The following IFT74 variants were observed in gnomAD, a reference collection of about 807,000 sequenced individuals.
The protein encoded by IFT74 is intraflagellar transport protein 74 homolog.
In IFT74, 92 loss-of-function variants were observed where a neutral mutation model predicts 96.7. The observed-to-expected ratio is 0.95, with a 90% CI of 0.80 to 1.13. IFT74 has a LOEUF of 1.13. Ranked by LOEUF, IFT74 falls within the 50% of genes most tolerant of loss-of-function variation. The pLI is 0.00. For synonymous variants in IFT74, 223 were observed against 213.2 expected, an observed-to-expected ratio of 1.05 and a Z score of -0.40; for missense variants, 811 against 698.2, an observed-to-expected ratio of 1.16 and a Z score of -1.82.
chr9:27,062,765 A>G lies in IFT74; in HGVS notation c.*29A>G. The G allele has an allele frequency of 8.5e-7, 1 of 1,174,950 alleles. No individual in the cohort carries two copies. Among genetic ancestry groups the G allele is most frequent in the Non-Finnish European group, 1.2e-6 (1 of 803,052 alleles). 72.8% of individuals were successfully genotyped at this position (1,174,950 alleles called of 1,614,324 possible). ...TAAGTCCACTGAAAGTCTCTAAGGA[A>G]GTATCCTCTTGCTGCTAAACTTGGT... On this transcript the variant is annotated 3_prime_UTR_variant, in exon 20 of 20. Coordinates refer to ENST00000380062, the MANE Select transcript of IFT74 (RefSeq NM_025103.4).
At position 26,949,537 on chromosome 9, in the gene IFT74, T is replaced by A. The variant is rs541618140; in HGVS notation, c.-20+2391T>A. Among the ~76,000 whole-genome samples the A allele has an allele frequency of 2.4e-4, 36 of 152,270 alleles. 1 individual carries two copies. The South Asian group carries it at 7.5e-3, about 32-fold the overall frequency. ...TCGTGCTGTAATTGCCCCTGTGTTCTTTTACACAGGGAAATGTGTAATTTC... is the reference window on the plus strand; with the variant it reads ...TCGTGCTGTAATTGCCCCTGTGTTCATTTACACAGGGAAATGTGTAATTTC... On this transcript the variant is annotated intron_variant, in intron 1 of 19. Coordinates refer to the IFT74 transcript ENST00000433700.
chr9:27,027,170 C>T (rs1340790319), intron 12 of IFT74, among the ~76,000 whole-genome samples: 1 of 151,870 alleles, frequency 6.6e-6, no homozygotes, highest in Non-Finnish European at 1.5e-5. Flanking sequence ...TACAAAAGAC[C>T]AAGCTTACAG....
chr9:27,060,083 C>CT (rs34333459), intron 18 of IFT74, among the ~76,000 whole-genome samples: 6 of 152,178 alleles, frequency 3.9e-5, no homozygotes, highest in Admixed American at 6.5e-5. Context: ...ACAGTGCCAG[C>CT]TTTTTACCAG....
intron 13 of IFT74, among the ~76,000 whole-genome samples, chr9:27,040,000 G>A (rs951749287): frequency 6.6e-6 from 1 of 152,186 alleles, no homozygotes; most frequent in Non-Finnish European, 1.5e-5. Context: ...GGAGGAGAAA[G>A]TGTTCTGGCT....
At chr9:26,975,602 GA>G (rs1167201919) in intron 2 of IFT74, among the ~76,000 whole-genome samples, 1 of 152,136 alleles carries the variant, frequency 6.6e-6, no homozygotes, top group Non-Finnish European at 1.5e-5. Context: ...TGTCTTACGT[GA>G]AACATTTCCC....
upstream of IFT74, among the ~76,000 whole-genome samples, chr9:26,952,884 A>G (rs1486349136): frequency 6.6e-6 from 1 of 152,244 alleles, no homozygotes; most frequent in Admixed American, 6.5e-5. Flanking sequence ...ACAGACTAAC[A>G]GGAGAAAAAT....
At chr9:26,975,150 G>C (rs759806666) in intron 2 of IFT74, among the ~76,000 whole-genome samples, 2 of 152,130 alleles carry the variant, frequency 1.3e-5, no homozygotes, top group African/African-American at 4.8e-5. Flanking sequence ...AGCTGCCTGA[G>C]GGGGAGGGTC....
intron 13 of IFT74, among the ~76,000 whole-genome samples, chr9:27,041,564 C>T (rs897340072): frequency 2.0e-5 from 3 of 152,058 alleles, no homozygotes; most frequent in East Asian, 1.9e-4. Flanking sequence ...CCGTTGTGTC[C>T]CTTTCCCTCT....
intron 16 of IFT74, among the ~76,000 whole-genome samples, chr9:27,055,253 G>GT (rs1424261421): frequency 6.6e-6 from 1 of 151,922 alleles, no homozygotes; most frequent in Non-Finnish European, 1.5e-5. Context: ...TTATAACTTG[G>GT]TTTTTTCCCT....
intron 2 of IFT74, among the ~76,000 whole-genome samples, chr9:26,976,396 A>T (rs1051537409): frequency 1.2e-4 from 18 of 152,216 alleles, no homozygotes; most frequent in Non-Finnish European, 1.5e-4. Context: ...ATGAGAGCAC[A>T]CTGAAGAAAG....
At position 27,063,440 on chromosome 9, in the gene IFT74, C is replaced by A. The variant is rs1185347738; in HGVS notation, c.*704C>A. Among the ~76,000 whole-genome samples the A allele has an allele frequency of 6.6e-6, 1 of 151,982 alleles. No homozygotes were observed. Among genetic ancestry groups the A allele is most frequent in the Non-Finnish European group, 1.5e-5 (1 of 67,968 alleles). The stretch of plus-strand genomic sequence containing the variant: ...TGCAGTATGCATTTACTCTCTTGTA[C>A]TATTAGGAGAACTTAAGTAGATTAA... On this transcript the variant is annotated 3_prime_UTR_variant, in exon 20 of 20. Transcript: ENST00000380062.
At chr9:27,013,318 T>C (rs1244034008) in intron 10 of IFT74, among the ~76,000 whole-genome samples, 4 of 152,228 alleles carry the variant, frequency 2.6e-5, no homozygotes, top group Admixed American at 6.5e-5. Flanking sequence ...TTATGTTGTA[T>C]AATTATAACA....
chr9:27,062,941 C>A lies in IFT74; in HGVS notation c.*205C>A, dbSNP rs573646485. On this transcript the variant is annotated 3_prime_UTR_variant, in exon 20 of 20. Transcript: ENST00000380062. The stretch of plus-strand genomic sequence containing the variant: ...TTTGCATATTAAAAAGTACCATCTT[C>A]TTTTCTTTTTATGCTACTTGTATTT... 37 of 473,798 alleles carry A rather than the reference C, an allele frequency of 7.8e-5. No individual in the cohort carries two copies. The highest frequency in any genetic ancestry group is 4.5e-4 in the South Asian group (14 of 30,970). The allele number at this position is 473,798 out of a possible 1,614,324, so 29.3% of individuals were successfully genotyped here.
chr9:27,015,327 T>C (rs1829288635), intron 10 of IFT74, among the ~76,000 whole-genome samples: 2 of 152,184 alleles, frequency 1.3e-5, no homozygotes, highest in African/African-American at 2.4e-5. Context: ...GGAGGTTCCT[T>C]CTTTCATACT....
At chr9:26,952,089 A>C (rs1389515399), upstream of IFT74, among the ~76,000 whole-genome samples, 2 of 152,152 alleles carry the variant, frequency 1.3e-5, no homozygotes, top group Non-Finnish European at 2.9e-5. Context: ...GTGCCAATAC[A>C]TTTAGTAAGC....
chr9:27,053,723 A>C (rs764235855), intron 16 of IFT74, among the ~76,000 whole-genome samples: 1 of 152,236 alleles, frequency 6.6e-6, no homozygotes, highest in Non-Finnish European at 1.5e-5. Context: ...AGAAAAATCA[A>C]TTTGTATGGT....
intron 13 of IFT74, among the ~76,000 whole-genome samples, chr9:27,040,905 C>T (rs901753129): frequency 5.9e-5 from 9 of 152,056 alleles, no homozygotes; most frequent in African/African-American, 1.9e-4. Context: ...CATTTGATGC[C>T]AGAGAAGTAA....
chr9:27,005,352 T>TCCCCCG (rs1491163144), intron 8 of IFT74, among the ~76,000 whole-genome samples: 10 of 18,944 alleles, frequency 5.3e-4, no homozygotes, highest in East Asian at 4.8e-3. Context: ...TGAAACCATT[T>TCCCCCG]CCCCCCCCGC....
chr9:26,949,107 C>T (rs1016759900), intron 1 of IFT74, among the ~76,000 whole-genome samples: 2 of 152,000 alleles, frequency 1.3e-5, no homozygotes, highest in African/African-American at 2.4e-5. Context: ...TCTTTTCTAC[C>T]GGACTACATT....
Sources: allele counts gnomAD v4.1 joint callset (sites outside exome capture counted in the v4.1 genomes callset), GRCh38; gene constraint gnomAD v4.1.1; transcripts MANE v1.5; gene names NCBI Gene and HGNC (gene_info 2026-07-23, HGNC 2026-07-21).